The following JAZF1 variants were observed in gnomAD, a reference collection of about 807,000 sequenced individuals.
JAZF1 encodes juxtaposed with another zinc finger protein 1.
Under a neutral mutation model 26.4 loss-of-function variants are expected in JAZF1, and 8 were observed. That is an observed-to-expected ratio of 0.30 (90% CI 0.18 to 0.55). The LOEUF is 0.55. JAZF1 is among the 20% of genes least tolerant of loss of function. JAZF1 has a pLI of 0.94. For synonymous variants in JAZF1, 126 were observed against 122.3 expected (o/e 1.03, Z -0.20); for missense variants, 199 against 322.0 (o/e 0.62, Z 2.92).
At chr7:28,026,733 C>G (rs1407893949) in intron 1 of JAZF1, among the ~76,000 whole-genome samples, 1 of 152,192 alleles carries the variant, frequency 6.6e-6, no homozygotes, top group East Asian at 1.9e-4. Flanking sequence ...ACCCAGTAGT[C>G]ATTTACTAAA....
chr7:28,110,509 GAAAGGAAAAGGA>G (rs34191006), intron 1 of JAZF1, among the ~76,000 whole-genome samples: 1 of 61,090 alleles, frequency 1.6e-5, no homozygotes, highest in African/African-American at 5.9e-5. Flanking sequence ...AAAGGAAAAG[GAAAGGAAAAGGA>G]AAAGGAAAAG....
chr7:27,958,044 T>C (rs559783233), intron 2 of JAZF1, among the ~76,000 whole-genome samples: 2 of 152,194 alleles, frequency 1.3e-5, no homozygotes, highest in Non-Finnish European at 2.9e-5. Flanking sequence ...ATTATTATTA[T>C]TTATCACACA....
In JAZF1 at chr7:27,905,389, C is replaced by T. The variant is rs74200312; in HGVS notation, c.189-9973G>A. Among the ~76,000 whole-genome samples, 3 of 151,178 alleles carry T rather than the reference C, an allele frequency of 2.0e-5. No homozygotes were observed. In the East Asian group the frequency reaches 5.8e-4, roughly 29 times the overall value. On this transcript the variant is annotated intron_variant, in intron 2 of 4. Coordinates refer to ENST00000283928, the MANE Select transcript of JAZF1 (RefSeq NM_175061.4). ...ATATGAGGGCAAGCCAATTTCATAC[C>T]AAACCTTGTAGCTTATTTTGCTTCT...
intron 3 of JAZF1, among the ~76,000 whole-genome samples, chr7:27,845,904 C>T (rs1783021037): frequency 6.6e-6 from 1 of 151,966 alleles, no homozygotes; most frequent in African/African-American, 2.4e-5. Context: ...CTCCTCTACC[C>T]CACCCTTTCC....
chr7:27,974,344 A>C (rs1785430767), intron 2 of JAZF1, among the ~76,000 whole-genome samples: 1 of 152,206 alleles, frequency 6.6e-6, no homozygotes, highest in Non-Finnish European at 1.5e-5. Context: ...TTTTATGGCA[A>C]AGAAGTAGAA....
chr7:27,998,094 G>A (rs2128366919), intron 1 of JAZF1, among the ~76,000 whole-genome samples: 1 of 151,768 alleles, frequency 6.6e-6, no homozygotes, highest in African/African-American at 2.4e-5. Context: ...AGGCAGGCAG[G>A]CAGACATGAG....
chr7:28,135,621 G>T (rs1205270257), intron 1 of JAZF1, among the ~76,000 whole-genome samples: 1 of 152,124 alleles, frequency 6.6e-6, no homozygotes, highest in Non-Finnish European at 1.5e-5. Context: ...TGTTTTGAAA[G>T]AACACGGAGA....
At chr7:27,945,101 T>G (rs28657749) in intron 2 of JAZF1, among the ~76,000 whole-genome samples, 4,571 of 152,176 alleles carry the variant, frequency 0.03, 93 homozygotes, top group Non-Finnish European at 0.048. Context: ...GAGAACTCAC[T>G]TTGGTACCTC....
At chr7:27,862,045 C>T (rs1034078421) in intron 3 of JAZF1, among the ~76,000 whole-genome samples, 2 of 152,174 alleles carry the variant, frequency 1.3e-5, no homozygotes, top group African/African-American at 2.4e-5. Context: ...TGGCAGCTGC[C>T]TGGCCTCGCA....
chr7:27,883,517 T>C lies in JAZF1; in HGVS notation c.385+11703A>G, dbSNP rs138732224. On this transcript the variant is annotated intron_variant, in intron 3 of 4. Transcript: ENST00000283928. ...AAAATAACACAGAAACACTGAATTA[T>C]TGGCTTTCTGTTAGTACAGATATTA... Among the ~76,000 whole-genome samples the C allele has an allele frequency of 7.6e-3, 1,154 of 152,354 alleles. 12 individuals are homozygous for C. The highest frequency in any genetic ancestry group is 0.025 in the African/African-American group (1,058 of 41,580).
intron 2 of JAZF1, among the ~76,000 whole-genome samples, chr7:27,897,318 G>A (rs1784084786): frequency 2.6e-5 from 4 of 152,200 alleles, no homozygotes; most frequent in Admixed American, 2.6e-4. Context: ...TTTTAGTTAA[G>A]AGCATGGTAT....
At chr7:27,911,146 T>C (rs1784353750) in intron 2 of JAZF1, among the ~76,000 whole-genome samples, 1 of 152,192 alleles carries the variant, frequency 6.6e-6, no homozygotes, top group African/African-American at 2.4e-5. Flanking sequence ...ATAGCGTTTT[T>C]AGGTGTTCCC....
intron 2 of JAZF1, among the ~76,000 whole-genome samples, chr7:27,934,018 A>T (rs1044367065): frequency 2.0e-5 from 3 of 152,248 alleles, no homozygotes; most frequent in Admixed American, 2.0e-4. Flanking sequence ...TAGGAAGTCA[A>T]CCACTTGAAA....
At chr7:27,850,667 A>T (rs1423171668) in intron 3 of JAZF1, among the ~76,000 whole-genome samples, 1 of 152,166 alleles carries the variant, frequency 6.6e-6, no homozygotes, top group African/African-American at 2.4e-5. Context: ...GACTCCCTCT[A>T]ATCTTTTTTA....
intron 2 of JAZF1, among the ~76,000 whole-genome samples, chr7:27,930,466 C>T (rs935653580): frequency 3.3e-5 from 5 of 152,184 alleles, no homozygotes; most frequent in African/African-American, 1.2e-4. Context: ...ATCTCTGGAA[C>T]ATTCCAACCT....
At chr7:28,140,746 G>A (rs1032865963) in intron 1 of JAZF1, among the ~76,000 whole-genome samples, 17 of 152,168 alleles carry the variant, frequency 1.1e-4, no homozygotes, top group Non-Finnish European at 1.9e-4. Context: ...TGCAGCAACC[G>A]GTGAGAAGAA....
chr7:27,995,851 C>G (rs368165433), intron 1 of JAZF1, among the ~76,000 whole-genome samples: 1 of 152,180 alleles, frequency 6.6e-6, no homozygotes. Flanking sequence ...GGTCACAGCA[C>G]TAGCTCCCAT....
At chr7:27,909,828 T>A (rs1406102831) in intron 2 of JAZF1, among the ~76,000 whole-genome samples, 1 of 152,220 alleles carries the variant, frequency 6.6e-6, no homozygotes, top group African/African-American at 2.4e-5. Context: ...TGATTGATAA[T>A]TCACATATTT....
At chr7:28,159,033 A>T (rs1471026757) in intron 1 of JAZF1, among the ~76,000 whole-genome samples, 1 of 152,142 alleles carries the variant, frequency 6.6e-6, no homozygotes, top group Non-Finnish European at 1.5e-5. Context: ...TAAGGAGCTC[A>T]CAAGCTGATG....
Sources: gnomAD v4.1 joint callset for allele counts (sites outside exome capture counted in the v4.1 genomes callset) on GRCh38, gnomAD v4.1.1 for gene constraint, MANE v1.5 for transcripts, NCBI Gene and HGNC (gene_info 2026-07-23, HGNC 2026-07-21) for gene names.